The following OMA1 variants were observed in gnomAD, a reference collection of about 807,000 sequenced individuals.
The protein encoded by OMA1 is metalloendopeptidase OMA1, mitochondrial.
In OMA1, 38 loss-of-function variants were observed where a neutral mutation model predicts 30.9. The observed-to-expected ratio is 1.23, with a 90% confidence interval of 0.95 to 1.61. The LOEUF (loss-of-function observed/expected upper bound fraction) is 1.61, where lower values mean the gene tolerates loss of function less well. OMA1 is among the 40% of genes most tolerant of loss of function. The pLI, the probability that OMA1 is intolerant of heterozygous loss-of-function variation, is 0.00. For synonymous variants in OMA1, 173 were observed against 121.9 expected (o/e 1.42, Z -2.76); for missense variants, 461 against 349.2 (o/e 1.32, Z -2.55).
chr1:58,483,599 G>A (rs1445093736), intron 8 of OMA1, among the ~76,000 whole-genome samples: 1 of 152,186 alleles, frequency 6.6e-6, no homozygotes, highest in Non-Finnish European at 1.5e-5. Flanking sequence ...TGAGTGTTAA[G>A]TAAATGTTTA....
chr1:58,533,888 A>G, intron 5 of OMA1, 65 bp downstream of exon 5: 1 of 819,430 alleles, frequency 1.2e-6, no homozygotes, highest in Non-Finnish European at 2.2e-6. Flanking sequence ...CAGTTCTTTA[A>G]AAGATTTAAC....
At chr1:58,489,342 T>C (rs188808899) in intron 8 of OMA1, among the ~76,000 whole-genome samples, 4 of 152,302 alleles carry the variant, frequency 2.6e-5, no homozygotes, top group Non-Finnish European at 5.9e-5. Context: ...GCCTCGCTCA[T>C]TACTAGCACA....
At chr1:58,517,533 G>C (rs1646176201) in intron 7 of OMA1, among the ~76,000 whole-genome samples, 1 of 152,010 alleles carries the variant, frequency 6.6e-6, no homozygotes. Flanking sequence ...GATGTAACTT[G>C]AGAGATCCCT....
chr1:58,507,112 T>C (rs1438226357), intron 7 of OMA1, among the ~76,000 whole-genome samples: 4 of 151,954 alleles, frequency 2.6e-5, no homozygotes, highest in Non-Finnish European at 5.9e-5. Context: ...AAATACATTA[T>C]TTTATAATTA....
intron 7 of OMA1, among the ~76,000 whole-genome samples, chr1:58,519,586 A>T (rs7527511): frequency 0.43 from 65,012 of 151,724 alleles, 16,143 homozygotes; most frequent in East Asian, 0.66. Context: ...GGAAAAAAAA[A>T]ATATATCATT....
intron 8 of OMA1, among the ~76,000 whole-genome samples, chr1:58,499,199 G>C (rs1645855133): frequency 6.6e-6 from 1 of 150,870 alleles, no homozygotes; most frequent in Non-Finnish European, 1.5e-5. Context: ...CAGAGAAATT[G>C]TGAGTAGAAT....
chr1:58,497,327 A>T (rs1333653667), intron 8 of OMA1, among the ~76,000 whole-genome samples: 1 of 152,162 alleles, frequency 6.6e-6, no homozygotes. Context: ...TAATTTAAAC[A>T]GGCCAACTGT....
In OMA1 at chr1:58,531,146, T is replaced by C. The variant is rs185354343; in HGVS notation, c.1012-417A>G. Among the ~76,000 whole-genome samples, 249 of 152,330 alleles carry C rather than the reference T, an allele frequency of 1.6e-3. 1 individual carries two copies. The highest frequency in any genetic ancestry group is 5.8e-3 in the African/African-American group (243 of 41,580). Reference sequence around the variant, plus strand: ...ACCCGGTCAGTTTTAGTTTTTAATATAGTTGCATCATTTTAAAAAATCAAG... The same window carrying C: ...ACCCGGTCAGTTTTAGTTTTTAATACAGTTGCATCATTTTAAAAAATCAAG... On this transcript the variant is annotated intron_variant, in intron 5 of 8. Coordinates refer to ENST00000371226, the MANE Select transcript of OMA1 (RefSeq NM_145243.5).
chr1:58,493,425 G>T (rs1208771397), intron 8 of OMA1, among the ~76,000 whole-genome samples: 1 of 151,996 alleles, frequency 6.6e-6, no homozygotes, highest in African/African-American at 2.4e-5. Context: ...AGGGCAATCA[G>T]GCAAGAGAAA....
intron 7 of OMA1, among the ~76,000 whole-genome samples, chr1:58,512,930 T>C (rs1406894031): frequency 6.6e-6 from 1 of 152,170 alleles, no homozygotes; most frequent in Non-Finnish European, 1.5e-5. Context: ...AAAGTAACGA[T>C]AGACCAAAAT....
chr1:58,482,644 A>G (rs763950534), intron 8 of OMA1, among the ~76,000 whole-genome samples: 5 of 152,194 alleles, frequency 3.3e-5, no homozygotes, highest in Non-Finnish European at 7.3e-5. Context: ...TAGAAAGACT[A>G]TCCAGGCAAG....
In OMA1 at chr1:58,485,228, T is replaced by TTAAA. The variant is rs533975015; in HGVS notation, c.1366-4055_1366-4054insTTTA. Among the ~76,000 whole-genome samples the TTAAA allele has an allele frequency of 1.4e-3, 58 of 42,060 alleles. 5 individuals carry two copies. The highest frequency in any genetic ancestry group is 0.014 in the Middle Eastern group (1 of 72). The allele number at this position is 42,060 out of a possible 152,430, so 27.6% of individuals were successfully genotyped here. A position where few individuals can be genotyped will look rare whatever the true frequency, so the allele number is the denominator to read the frequency against. ...GTCTAAAAATAAAAGAGTCTACTACTAAAAAAAAAAAAAAAAAAAAAAAAA... is the reference window on the plus strand; with the variant it reads ...GTCTAAAAATAAAAGAGTCTACTACTTAAAAAAAAAAAAAAAAAAAAAAAAAAAA... On this transcript the variant is annotated intron_variant, in intron 8 of 8. Coordinates refer to ENST00000371226, the MANE Select transcript of OMA1 (RefSeq NM_145243.5).
intron 8 of OMA1, among the ~76,000 whole-genome samples, chr1:58,487,348 A>C (rs535100194): frequency 1.6e-4 from 25 of 152,244 alleles, no homozygotes; most frequent in Non-Finnish European, 3.4e-4. Context: ...ATTTGAGGAT[A>C]ATTAACTTGC....
chr1:58,515,462 T>C (rs1175970958), intron 7 of OMA1, among the ~76,000 whole-genome samples: 2 of 152,182 alleles, frequency 1.3e-5, no homozygotes, highest in Non-Finnish European at 2.9e-5. Flanking sequence ...TTTCCCTCTA[T>C]CTTAGGTAAA....
chr1:58,506,873 TTATAAAAGTACAA>T (rs1355851114), intron 7 of OMA1, among the ~76,000 whole-genome samples: 1 of 152,074 alleles, frequency 6.6e-6, no homozygotes. Flanking sequence ...ACACAATACC[TTATAAAAGTACAA>T]TATAAAAGTA....
intron 7 of OMA1, among the ~76,000 whole-genome samples, chr1:58,509,924 A>G (rs2100424717): frequency 6.6e-6 from 1 of 152,236 alleles, no homozygotes; most frequent in East Asian, 1.9e-4. Flanking sequence ...GAAATATACA[A>G]CCCACTAAGA....
intron 5 of OMA1, among the ~76,000 whole-genome samples, chr1:58,531,770 C>T (rs910073946): frequency 5.3e-5 from 8 of 151,834 alleles, no homozygotes; most frequent in African/African-American, 1.5e-4. Flanking sequence ...AGTGCAGTGG[C>T]GAGGTCTCGA....
intron 8 of OMA1, among the ~76,000 whole-genome samples, chr1:58,492,329 A>G (rs1317106617): frequency 6.6e-6 from 1 of 152,230 alleles, no homozygotes; most frequent in African/African-American, 2.4e-5. Context: ...TCTAAAATTG[A>G]CACCCTAACA....
chr1:58,486,082 G>A (rs775012531), intron 8 of OMA1, among the ~76,000 whole-genome samples: 2 of 152,198 alleles, frequency 1.3e-5, no homozygotes, highest in Admixed American at 6.5e-5. Context: ...ACTGCGTGAG[G>A]TATTTTACAC....
Sources: gnomAD v4.1 joint callset for allele counts (sites outside exome capture counted in the v4.1 genomes callset) on GRCh38, gnomAD v4.1.1 for gene constraint, MANE v1.5 for transcripts, NCBI Gene and HGNC (gene_info 2026-07-23, HGNC 2026-07-21) for gene names.